PCGF3: variants seen among roughly 807,000 people sequenced by gnomAD.
PCGF3 encodes the protein polycomb group ring finger 3, also known as polycomb group RING finger protein 3.
A neutral mutation model predicts 33.1 loss-of-function variants in PCGF3; 7 were observed. The observed-to-expected ratio is 0.21, with a 90% CI of 0.12 to 0.40. The LOEUF is 0.40. Among genes scored for constraint, PCGF3 ranks in the 10% least tolerant of loss-of-function variants. PCGF3 has a pLI of 1.00. For synonymous variants in PCGF3, 153 were observed against 121.3 expected (o/e 1.26, Z -1.72); for missense variants, 211 against 313.3 (o/e 0.67, Z 2.46).
exon 11 of PCGF3, chr4:766,429 C>T (rs914070134): frequency 4.9e-6 from 1 of 203,792 alleles, no homozygotes; most frequent in Non-Finnish European, 9.8e-6. Flanking sequence ...GAATTCACTT[C>T]AGTTTAGTTT....
In PCGF3 at chr4:716,613, T is replaced by G. The variant is rs373550482; in HGVS notation, c.-190+10643T>G. 5.3e-5 allele frequency among the ~76,000 whole-genome samples: 5 copies of G among 95,146 alleles called. 1 individual carries two copies. The highest frequency in any genetic ancestry group is 2.1e-4 in the African/African-American group (5 of 23,822). The allele number at this position is 95,146 out of a possible 152,430, so 62.4% of individuals were successfully genotyped here. ...GTAGACACTGAGTGTGAGAACTGGGTGTCGGTGCTGGGACCCTGTAGACAC... is the reference window on the plus strand; with the variant it reads ...GTAGACACTGAGTGTGAGAACTGGGGGTCGGTGCTGGGACCCTGTAGACAC... On this transcript the variant is annotated intron_variant, in intron 1 of 10. Coordinates refer to ENST00000362003, the Ensembl canonical transcript of PCGF3.
intron 1 of PCGF3, among the ~76,000 whole-genome samples, chr4:715,696 G>T (rs368491911): frequency 8.2e-6 from 1 of 121,744 alleles, no homozygotes; most frequent in African/African-American, 3.1e-5. Flanking sequence ...ACTGGGCGTC[G>T]GTGCTGGGAC....
At chr4:739,572 ATTGTCCTGGG>A (rs1027070903) in intron 6 of PCGF3, among the ~76,000 whole-genome samples, 1 of 151,910 alleles carries the variant, frequency 6.6e-6, no homozygotes, top group African/African-American at 2.4e-5. Flanking sequence ...CTGCCTTCCC[ATTGTCCTGGG>A]TTGTCCTGCG....
At chr4:756,451 G>A (rs1744773782) in intron 8 of PCGF3, among the ~76,000 whole-genome samples, 1 of 151,954 alleles carries the variant, frequency 6.6e-6, no homozygotes, top group African/African-American at 2.4e-5. Flanking sequence ...GACCTCAAAT[G>A]ATCCACCCGC....
Position 725,549 on chromosome 4 carries a change from C to G in PCGF3, c.-189-5081C>G, listed in dbSNP as rs113224441. Among the ~76,000 whole-genome samples, 43 of 136,020 alleles carry G rather than the reference C, an allele frequency of 3.2e-4. 3 individuals are homozygous for G. Among genetic ancestry groups the G allele is most frequent in the African/African-American group, 1.1e-3 (42 of 39,662 alleles). 89.2% of individuals were successfully genotyped at this position (136,020 alleles called of 152,430 possible). A position where few individuals can be genotyped will look rare whatever the true frequency, so the allele number is the denominator to read the frequency against. ...GGGCTGCCGAGGGCTGCTGTGGGCT[C>G]TGCGCTGTGGCTCCGTGGGCTGCCG... On this transcript the variant is annotated intron_variant, in intron 1 of 10. Coordinates refer to ENST00000362003, the Ensembl canonical transcript of PCGF3.
At chr4:722,693 TCACCTGTC>T (rs1743145710) in intron 1 of PCGF3, among the ~76,000 whole-genome samples, 1 of 105,230 alleles carries the variant, frequency 9.5e-6, no homozygotes, top group African/African-American at 4.0e-5. Context: ...ACTCGCGTCA[TCACCTGTC>T]TGCGCTGGGT....
At position 721,650 on chromosome 4, in the gene PCGF3, G is replaced by A. The variant is rs1044127293; in HGVS notation, c.-189-8980G>A. ...GGGGCTGCTGAACGCAGGCCCCAGG[G>A]CCTGTAGGACCCTTAGGGAGACGGG... On this transcript the variant is annotated intron_variant, in intron 1 of 10. Transcript: ENST00000362003. The surrounding 1 kb of genome is among the most constrained non-coding windows in gnomAD (Gnocchi z 4.1). Among the ~76,000 whole-genome samples, 3 of 152,162 alleles carry A rather than the reference G, an allele frequency of 2.0e-5. No individual in the cohort carries two copies. Among genetic ancestry groups the A allele is most frequent in the African/African-American group, 7.2e-5 (3 of 41,420 alleles).
chr4:741,352 C>G (rs1744081315), intron 6 of PCGF3, among the ~76,000 whole-genome samples: 1 of 152,238 alleles, frequency 6.6e-6, no homozygotes. Context: ...TCAGATCAGG[C>G]TGGACTGCCG....
intron 9 of PCGF3, among the ~76,000 whole-genome samples, chr4:763,735 C>T (rs146215082): frequency 2.6e-5 from 4 of 152,292 alleles, no homozygotes; most frequent in African/African-American, 7.2e-5. Context: ...AATCTCCTGC[C>T]CACACAAAAA....
chr4:711,830 G>A (rs1742583353), intron 1 of PCGF3, among the ~76,000 whole-genome samples: 1 of 151,732 alleles, frequency 6.6e-6, no homozygotes, highest in African/African-American at 2.4e-5. Flanking sequence ...GCATGGTGGT[G>A]GGCACCTGTA....
At chr4:744,089 C>CCGGGGG in intron 7 of PCGF3, 1 of 164,660 alleles carries the variant, frequency 6.1e-6, no homozygotes, top group Non-Finnish European at 1.3e-5. Flanking sequence ...TGGGAGGGGC[C>CCGGGGG]TGGCTCTGTC....
intron 8 of PCGF3, among the ~76,000 whole-genome samples, chr4:752,889 C>T (rs544405194): frequency 1.3e-5 from 2 of 152,396 alleles, no homozygotes; most frequent in East Asian, 3.9e-4. Context: ...CTCGGGATTG[C>T]CAGTGCCCTC....
At chr4:763,025 A>G (rs1299872738) in intron 9 of PCGF3, among the ~76,000 whole-genome samples, 4 of 151,938 alleles carry the variant, frequency 2.6e-5, no homozygotes, top group Non-Finnish European at 1.5e-5. Context: ...TGGGGGGCCA[A>G]TGCCAGCCTT....
chr4:716,996 G>A (rs1454515449), intron 1 of PCGF3, among the ~76,000 whole-genome samples: 13 of 147,042 alleles, frequency 8.8e-5, no homozygotes, highest in Non-Finnish European at 1.7e-4. Flanking sequence ...GACACTGAGG[G>A]TGAGAACTGG....
chr4:755,444 C>T (rs1227387436), intron 8 of PCGF3, among the ~76,000 whole-genome samples: 1 of 152,196 alleles, frequency 6.6e-6, no homozygotes, highest in Non-Finnish European at 1.5e-5. Flanking sequence ...AGCTGCAGGG[C>T]TACCTCCTCC....
intron 1 of PCGF3, chr4:722,329 G>A (rs1273500550): frequency 1.7e-5 from 3 of 181,284 alleles, no homozygotes; most frequent in Admixed American, 6.0e-5. Flanking sequence ...CTGCAGGCGC[G>A]ACTCAGAACA....
At chr4:752,751 A>T (rs1744581660) in intron 8 of PCGF3, among the ~76,000 whole-genome samples, 1 of 152,116 alleles carries the variant, frequency 6.6e-6, no homozygotes, top group Non-Finnish European at 1.5e-5. Context: ...CACCAGACTG[A>T]GGCTGGGCAG....
intron 2 of PCGF3, 98 bp from the exon 3 acceptor site, chr4:730,872 G>A: frequency 7.6e-6 from 3 of 396,698 alleles, no homozygotes; most frequent in East Asian, 3.6e-5. Flanking sequence ...CCCTTTGCTC[G>A]GTAGGGCTTG....
chr4:734,509 G>C (rs961840193), intron 4 of PCGF3: 1 of 1,209,372 alleles, frequency 8.3e-7, no homozygotes. Flanking sequence ...CGTATTTTTA[G>C]ATATTGGTTA....
Sources: allele counts gnomAD v4.1 joint callset (sites outside exome capture counted in the v4.1 genomes callset), GRCh38; gene constraint gnomAD v4.1.1; non-coding constraint Gnocchi (gnomAD v3.1); transcripts MANE v1.5; gene names NCBI Gene and HGNC (gene_info 2026-07-23, HGNC 2026-07-21).